Variants in RARB observed in about 807,000 individuals in gnomAD.
RARB encodes the protein retinoic acid receptor beta, also known as HBV-activated protein.
A neutral mutation model predicts 51.9 loss-of-function variants in RARB; 17 were observed. The observed-to-expected ratio is 0.33, with a 90% CI of 0.22 to 0.49. The LOEUF (loss-of-function observed/expected upper bound fraction) is 0.49. Among genes scored for constraint, RARB ranks in the 20% least tolerant of loss-of-function variants. RARB has a pLI of 0.99. For synonymous variants in RARB, 215 were observed against 195.4 expected (o/e 1.10, Z -0.84); for missense variants, 369 against 550.8 (o/e 0.67, Z 3.30).
At chr3:25,020,199 A>C (rs1697603453) in intron 2 of RARB, 3 of 151,096 alleles carry the variant, frequency 2.0e-5, no homozygotes. Flanking sequence ...CTCAGGCTGG[A>C]GGGCAGTGGC....
intron 6 of RARB, among the ~76,000 whole-genome samples, chr3:25,593,949 T>C (rs1038423734): frequency 2.6e-5 from 4 of 152,084 alleles, no homozygotes; most frequent in Non-Finnish European, 5.9e-5. Flanking sequence ...TTGCCACAGA[T>C]TTTTTTTCTT....
At chr3:25,183,933 A>G (rs763363929) in intron 5 of RARB, among the ~76,000 whole-genome samples, 1 of 152,076 alleles carries the variant, frequency 6.6e-6, no homozygotes, top group Non-Finnish European at 1.5e-5. Context: ...CCCCTTATCC[A>G]GGATTCTTTT....
In RARB at chr3:25,331,891, T is replaced by A. The variant is rs556608042; in HGVS notation, c.179-129302T>A. On this transcript the variant is annotated intron_variant, in intron 5 of 11. Coordinates refer to the RARB transcript ENST00000383772. ...ACAAACTACCATCAGAGAATACTAT[T>A]AACACCTCTATGCAAATAAACTAGA... Among the ~76,000 whole-genome samples the A allele has an allele frequency of 9.2e-5, 14 of 152,056 alleles. No homozygotes were observed. The East Asian group carries it at 1.5e-3, about 17-fold the overall frequency.
intron 2 of RARB, among the ~76,000 whole-genome samples, chr3:24,955,272 T>A (rs1695987389): frequency 6.6e-6 from 1 of 152,190 alleles, no homozygotes; most frequent in Non-Finnish European, 1.5e-5. Context: ...TTAAGCTGCG[T>A]CTGTCTGTAG....
chr3:25,214,093 A>G (rs1360657401), intron 5 of RARB, among the ~76,000 whole-genome samples: 1 of 152,214 alleles, frequency 6.6e-6, no homozygotes, highest in African/African-American at 2.4e-5. Context: ...GTCAGCATAG[A>G]TAGATGGGAG....
At chr3:25,535,411 C>CTTT (rs3074714) in intron 3 of RARB, among the ~76,000 whole-genome samples, 10,303 of 138,142 alleles carry the variant, frequency 0.075, 494 homozygotes, top group Admixed American at 0.13. Flanking sequence ...GTCCTTATCT[C>CTTT]TTTTTTTTTT....
intron 3 of RARB, among the ~76,000 whole-genome samples, chr3:25,545,795 G>T (rs185849391): frequency 1.3e-5 from 2 of 152,238 alleles, no homozygotes; most frequent in Admixed American, 1.3e-4. Context: ...GATGTACCAG[G>T]CACTCTTCCG....
chr3:24,842,002 T>C (rs1702426638), intron 1 of RARB, among the ~76,000 whole-genome samples: 2 of 152,176 alleles, frequency 1.3e-5, no homozygotes, highest in East Asian at 3.9e-4. Flanking sequence ...ACCCCTTTAA[T>C]TGATGCAGTC....
chr3:25,545,052 TC>T (rs1227417509), intron 3 of RARB, among the ~76,000 whole-genome samples: 50 of 152,072 alleles, frequency 3.3e-4, no homozygotes, highest in Non-Finnish European at 1.2e-4. Context: ...ACCTCTGCCG[TC>T]CAGGTTCAGG....
intron 5 of RARB, among the ~76,000 whole-genome samples, chr3:25,254,043 T>C (rs1345120520): frequency 6.6e-6 from 1 of 152,180 alleles, no homozygotes; most frequent in Non-Finnish European, 1.5e-5. Context: ...AAAAGTAATA[T>C]TTTGAGATTG....
intron 1 of RARB, among the ~76,000 whole-genome samples, chr3:25,434,246 A>T (rs1708328990): frequency 6.6e-6 from 1 of 152,220 alleles, no homozygotes; most frequent in Non-Finnish European, 1.5e-5. Context: ...ATAGTGGGTG[A>T]TGATGTCCCT....
chr3:25,291,159 A>G (rs1703775964), intron 5 of RARB, among the ~76,000 whole-genome samples: 1 of 152,236 alleles, frequency 6.6e-6, no homozygotes, highest in Non-Finnish European at 1.5e-5. Context: ...TGCAATGATT[A>G]TAATCCATCT....
intron 3 of RARB, among the ~76,000 whole-genome samples, chr3:25,549,672 A>G (rs1411414934): frequency 6.6e-6 from 1 of 152,244 alleles, no homozygotes; most frequent in African/African-American, 2.4e-5. Flanking sequence ...AGAACTGGAC[A>G]TTATCCAAAG....
intron 2 of RARB, among the ~76,000 whole-genome samples, chr3:24,862,751 C>T (rs1005734655): frequency 2.0e-5 from 3 of 152,190 alleles, no homozygotes; most frequent in African/African-American, 7.2e-5. Context: ...TCTACTAAAC[C>T]TGAAGTAGAA....
At chr3:25,063,022 G>A (rs1698581521) in intron 3 of RARB, among the ~76,000 whole-genome samples, 1 of 151,800 alleles carries the variant, frequency 6.6e-6, no homozygotes, top group Non-Finnish European at 1.5e-5. Flanking sequence ...CTCCCCTTTG[G>A]CTTTTCAGAC....
chr3:25,100,304 G>T (rs1431328357), intron 3 of RARB, among the ~76,000 whole-genome samples: 1 of 152,156 alleles, frequency 6.6e-6, no homozygotes, highest in Admixed American at 6.5e-5. Flanking sequence ...TACAGTGCTT[G>T]GACAGAGGAA....
chr3:25,387,653 C>G (rs1480589795), intron 5 of RARB, among the ~76,000 whole-genome samples: 1 of 152,058 alleles, frequency 6.6e-6, no homozygotes, highest in South Asian at 2.1e-4. Context: ...TCAGCAGGCC[C>G]CTGTGAGTGT....
chr3:24,927,912 A>G (rs1695355109), intron 2 of RARB, among the ~76,000 whole-genome samples: 2 of 152,112 alleles, frequency 1.3e-5, no homozygotes, highest in African/African-American at 2.4e-5. Context: ...TGACAAACAC[A>G]TGTCAAAGGA....
At chr3:25,164,355 T>G (rs865863103) in intron 4 of RARB, among the ~76,000 whole-genome samples, 1 of 152,182 alleles carries the variant, frequency 6.6e-6, no homozygotes, top group Non-Finnish European at 1.5e-5. Context: ...ACCTGCTTCA[T>G]ATAGGTGGGA....
Sources: gnomAD v4.1 joint callset for allele counts (sites outside exome capture counted in the v4.1 genomes callset) on GRCh38, gnomAD v4.1.1 for gene constraint, MANE v1.5 for transcripts, NCBI Gene and HGNC (gene_info 2026-07-23, HGNC 2026-07-21) for gene names.